The following ARID3C variants were observed in gnomAD, a reference collection of about 807,000 sequenced individuals.
The protein encoded by ARID3C is AT-rich interaction domain 3C, also known as AT-rich interactive domain-containing protein 3C.
In ARID3C, 42 loss-of-function variants were observed where a neutral mutation model predicts 37.9. The observed-to-expected ratio is 1.11, with a 90% CI of 0.87 to 1.43. ARID3C has a LOEUF of 1.43. ARID3C is among the 40% of genes most tolerant of loss of function. The probability of loss-of-function intolerance (pLI) is 0.00; values close to 1 mark genes in which losing one functional copy is unlikely to be tolerated. For synonymous variants in ARID3C, 213 were observed against 228.0 expected (o/e 0.93, Z 0.59); for missense variants, 581 against 548.8 (o/e 1.06, Z -0.59).
At chr9:34,621,710 G>A in intron 6 of ARID3C, 152 bp from the exon 8 acceptor site, 1 of 658,888 alleles carries the variant, frequency 1.5e-6, no homozygotes, top group Non-Finnish European at 2.6e-6. Flanking sequence ...AGCTCCTTGG[G>A]TCAGTAAGAG....
chr9:34,630,791 C>G (rs1238994207), upstream of ARID3C, among the ~76,000 whole-genome samples: 1 of 152,190 alleles, frequency 6.6e-6, no homozygotes, highest in Non-Finnish European at 1.5e-5. Flanking sequence ...AGGCTCACCC[C>G]ATTCATTCCT....
intron 2 of ARID3C, among the ~76,000 whole-genome samples, chr9:34,624,931 C>T (rs1820633998): frequency 6.6e-6 from 1 of 152,122 alleles, no homozygotes; most frequent in Non-Finnish European, 1.5e-5. Flanking sequence ...AACACTGGAA[C>T]CAGAATGGGC....
At chr9:34,621,519 T>G (rs978704329) in exon 7 of ARID3C, 3 of 1,558,594 alleles carry the variant, frequency 1.9e-6, no homozygotes, top group South Asian at 1.2e-5. Flanking sequence ...GGTTGGACCC[T>G]GGGAAGCTGG....
downstream of ARID3C, chr9:34,621,277 C>A (rs1820552868): frequency 1.0e-5 from 5 of 483,886 alleles, no homozygotes; most frequent in Middle Eastern, 5.1e-4. Flanking sequence ...GAGGTGCCCT[C>A]CCTTTACAAT....
In ARID3C at chr9:34,625,724, C is replaced by T; in HGVS notation, c.391+18G>A. On this transcript the variant is annotated intron_variant, in intron 2 of 6. Coordinates refer to ENST00000378909, the Ensembl canonical transcript of ARID3C. ...AGGGGGCAATTCCAGGGCCCTTCCC[C>T]CACATCATGCCACTCACCCCTCTTT... 1 of 1,613,758 alleles carries T rather than the reference C, an allele frequency of 6.2e-7. No homozygotes were observed. The highest frequency in any genetic ancestry group is 8.5e-7 in the Non-Finnish European group (1 of 1,179,770).
chr9:34,629,054 C>T (rs565493353), upstream of ARID3C, among the ~76,000 whole-genome samples: 222 of 152,128 alleles, frequency 1.5e-3, no homozygotes, highest in African/African-American at 4.7e-3. Context: ...GCTGTGCGCT[C>T]ACTCGCCGCG....
chr9:34,628,048 G>A lies in ARID3C; in HGVS notation c.-34C>T. 2 of 1,453,004 alleles carry A rather than the reference G, an allele frequency of 1.4e-6. No individual in the cohort carries two copies. The highest frequency in any genetic ancestry group is 9.1e-7 in the Non-Finnish European group (1 of 1,103,578). The allele number at this position is 1,453,004 out of a possible 1,614,324, so 90.0% of individuals were successfully genotyped here. Reference sequence around the variant, plus strand: ...CCAGGCGCAGTCCCCCAGCTGAGGGGGTCCCTGGTACCAGGCGGGACCCCG... The same window carrying A: ...CCAGGCGCAGTCCCCCAGCTGAGGGAGTCCCTGGTACCAGGCGGGACCCCG... On this transcript the variant is annotated 5_prime_UTR_variant, in exon 1 of 7. Transcript: ENST00000378909. The surrounding 1 kb of genome is among the most constrained non-coding windows in gnomAD (Gnocchi z 5.2).
chr9:34,630,902 G>A (rs1291060196), upstream of ARID3C, among the ~76,000 whole-genome samples: 2 of 152,124 alleles, frequency 1.3e-5, no homozygotes, highest in African/African-American at 4.8e-5. Context: ...TGTCGGTACT[G>A]ATGCCTCCTC....
chr9:34,623,470 G>T, exon 4 of ARID3C: 1 of 1,536,576 alleles, frequency 6.5e-7, no homozygotes, highest in East Asian at 2.3e-5. Flanking sequence ...GCATGCGCTG[G>T]CAGGCCGGAG....
intron 2 of ARID3C, among the ~76,000 whole-genome samples, chr9:34,625,071 G>A (rs991865747): frequency 1.3e-5 from 2 of 152,104 alleles, no homozygotes; most frequent in Admixed American, 1.3e-4. Flanking sequence ...GCGGTGGGGG[G>A]GCGGGGGGTA....
exon 1 of ARID3C, chr9:34,627,784 A>T (rs748637176): frequency 7.4e-6 from 12 of 1,613,804 alleles, no homozygotes; most frequent in African/African-American, 1.3e-5. Flanking sequence ...GGGCCCCTGG[A>T]CGGCTCTCCT....
exon 4 of ARID3C, chr9:34,623,657 C>A: frequency 6.3e-7 from 1 of 1,592,706 alleles, no homozygotes; most frequent in Non-Finnish European, 8.5e-7. Flanking sequence ...CCTGGAGCTC[C>A]CCTGGGGAGC....
chr9:34,623,791 C>T, intron 3 of ARID3C, 73 bp downstream of exon 4: 1 of 1,503,722 alleles, frequency 6.7e-7, no homozygotes, highest in South Asian at 1.2e-5. Context: ...GACGCCCGCC[C>T]GGGGACCCTC....
At chr9:34,623,973 C>T in exon 3 of ARID3C, 1 of 1,604,350 alleles carries the variant, frequency 6.2e-7, no homozygotes. Flanking sequence ...CCGCCCTTGG[C>T]GGTCACCAGG....
At chr9:34,631,917 G>A (rs1040178966), upstream of ARID3C, among the ~76,000 whole-genome samples, 7 of 152,162 alleles carry the variant, frequency 4.6e-5, no homozygotes, top group Non-Finnish European at 1.0e-4. Context: ...CCGCAATATG[G>A]GCCTCTCCAT....
At chr9:34,625,916 G>T in intron 1 of ARID3C, 102 bp from the exon 3 acceptor site, 1 of 1,311,236 alleles carries the variant, frequency 7.6e-7, no homozygotes, top group Non-Finnish European at 1.1e-6. Flanking sequence ...AGCTGAAGGA[G>T]TCAGTAGGAT....
chr9:34,621,929 A>G, intron 6 of ARID3C, 91 bp downstream of exon 7: 2 of 1,288,376 alleles, frequency 1.6e-6, no homozygotes, highest in South Asian at 2.4e-5. Flanking sequence ...ATATCCCTGA[A>G]CTTCATGCTA....
chr9:34,623,577 G>A (rs1820608571), exon 4 of ARID3C: 1 of 1,607,942 alleles, frequency 6.2e-7, no homozygotes, highest in South Asian at 1.1e-5. Flanking sequence ...GGGCGGCCCT[G>A]CCAAGCCGAA....
exon 4 of ARID3C, chr9:34,623,572 G>T: frequency 3.7e-6 from 6 of 1,606,594 alleles, no homozygotes; most frequent in Non-Finnish European, 5.1e-6. Flanking sequence ...CGAGGGGGCG[G>T]CCCTGCCAAG....
Sources: gnomAD v4.1 joint callset for allele counts (sites outside exome capture counted in the v4.1 genomes callset) on GRCh38, gnomAD v4.1.1 for gene constraint, Gnocchi (gnomAD v3.1) non-coding constraint, MANE v1.5 for transcripts, NCBI Gene and HGNC (gene_info 2026-07-23, HGNC 2026-07-21) for gene names.